Variants in FBRSL1 observed in about 807,000 individuals in gnomAD.
The protein encoded by FBRSL1 is fibrosin like 1.
FBRSL1 carries 51 observed loss-of-function variants against 89.6 expected under a neutral mutation model. That is an observed-to-expected ratio of 0.57 (90% confidence interval 0.45 to 0.72). The LOEUF (loss-of-function observed/expected upper bound fraction) is 0.72. Among genes scored for constraint, FBRSL1 ranks in the 30% least tolerant of loss-of-function variants. FBRSL1 has a pLI of 0.00. For missense variants in FBRSL1, 1,618 were observed against 1,451.8 expected (o/e 1.11, Z -1.86); for synonymous variants, 779 against 681.1 (o/e 1.14, Z -2.24).
chr12:132,532,852 G>A (rs912316953), intron 4 of FBRSL1, among the ~76,000 whole-genome samples: 4 of 152,208 alleles, frequency 2.6e-5, no homozygotes, highest in Non-Finnish European at 4.4e-5. Flanking sequence ...AGGGAGGCTG[G>A]AGGTGGGTGG....
At chr12:132,530,293 T>C (rs922002527) in intron 4 of FBRSL1, among the ~76,000 whole-genome samples, 1 of 152,218 alleles carries the variant, frequency 6.6e-6, no homozygotes, top group African/African-American at 2.4e-5. Flanking sequence ...GGGAGGCACC[T>C]GGGTCAAGTG....
At chr12:132,513,754 GA>G (rs2034579898) in intron 2 of FBRSL1, among the ~76,000 whole-genome samples, 1 of 152,184 alleles carries the variant, frequency 6.6e-6, no homozygotes, top group Non-Finnish European at 1.5e-5. Flanking sequence ...ATTCCTGGAA[GA>G]TGGGTGACAC....
At position 132,535,581 on chromosome 12, in the gene FBRSL1, G is replaced by A. The variant is rs186406726; in HGVS notation, c.615+7593G>A. ...TCTCCCAGAGAGATGAGGAACAGGA[G>A]CAGATGCAGCCAGTATCAGAGAGCA... is the stretch of plus-strand genomic sequence containing the variant. On this transcript the variant is annotated intron_variant, in intron 4 of 18. Coordinates refer to ENST00000680143, the MANE Select transcript of FBRSL1 (RefSeq NM_001367871.1). Among the ~76,000 whole-genome samples the A allele has an allele frequency of 7.9e-5, 12 of 152,380 alleles. No homozygotes were observed. The East Asian group carries it at 2.1e-3, about 27-fold the overall frequency.
chr12:132,584,156 A>T lies in FBRSL1; in HGVS notation c.*378A>T, dbSNP rs1312177556. The T allele has an allele frequency of 6.6e-6, 1 of 152,564 alleles. No individual in the cohort carries two copies. Among genetic ancestry groups the T allele is most frequent in the Non-Finnish European group, 1.5e-5 (1 of 68,264 alleles). 9.5% of individuals were successfully genotyped at this position (152,564 alleles called of 1,614,324 possible). ...GCCTCAGATCCTTCTCCAGATCCCC[A>T]GGGTTTCTTTGTCTTATTTATGGAG... On this transcript the variant is annotated 3_prime_UTR_variant, in exon 19 of 19. Transcript: ENST00000680143.
At chr12:132,507,055 G>C in intron 1 of FBRSL1, 2 of 320,188 alleles carry the variant, frequency 6.2e-6, no homozygotes, top group Non-Finnish European at 9.0e-6. Context: ...TCTTGTCTCT[G>C]TCGTCTGCCC....
At chr12:132,533,423 T>C (rs1274421784) in intron 4 of FBRSL1, among the ~76,000 whole-genome samples, 1 of 130,176 alleles carries the variant, frequency 7.7e-6, no homozygotes, top group Non-Finnish European at 1.6e-5. Flanking sequence ...CGACCCAGCC[T>C]CTCCCTGTAG....
At chr12:132,525,351 G>T (rs564271970) in intron 2 of FBRSL1, among the ~76,000 whole-genome samples, 1 of 152,286 alleles carries the variant, frequency 6.6e-6, no homozygotes, top group East Asian at 1.9e-4. Flanking sequence ...CCTGCCTGTG[G>T]TCCCTAGCAC....
chr12:132,583,948 T>A lies in FBRSL1; in HGVS notation c.*170T>A. 1 of 302,052 alleles carries A rather than the reference T, an allele frequency of 3.3e-6. No individual in the cohort carries two copies. The highest frequency in any genetic ancestry group is 6.0e-6 in the Non-Finnish European group (1 of 167,130). 18.7% of individuals were successfully genotyped at this position (302,052 alleles called of 1,614,324 possible). A position where few individuals can be genotyped will look rare whatever the true frequency, so the allele number is the denominator to read the frequency against. On this transcript the variant is annotated 3_prime_UTR_variant, in exon 19 of 19. Transcript: ENST00000680143. ...CGGCTTTTCTGAGGGTGATCTTTTG[T>A]TTTCCGAGTTTGGGATTCGGCTGTT... is the stretch of plus-strand genomic sequence containing the variant.
At chr12:132,545,260 G>A (rs762731130) in intron 4 of FBRSL1, among the ~76,000 whole-genome samples, 1 of 152,218 alleles carries the variant, frequency 6.6e-6, no homozygotes, top group South Asian at 2.1e-4. Flanking sequence ...CGTTCCCTGA[G>A]CCCCCGAGCC....
At chr12:132,571,597 C>T in intron 9 of FBRSL1, 1 of 1,018,832 alleles carries the variant, frequency 9.8e-7, no homozygotes, top group Non-Finnish European at 1.3e-6. Context: ...CACACACAGA[C>T]ACACGCTCGC....
Position 132,524,990 on chromosome 12 carries a change from T to C in FBRSL1, c.490-744T>C, listed in dbSNP as rs373077758. On this transcript the variant is annotated intron_variant, in intron 2 of 18. Coordinates refer to ENST00000680143, the MANE Select transcript of FBRSL1 (RefSeq NM_001367871.1). ...CCGTGTGAGCAAATGTGTGAGTGTG[T>C]GCAAAGCGCCCGGGCCAGGCCCTGG... Among the ~76,000 whole-genome samples, 4 of 151,172 alleles carry C rather than the reference T, an allele frequency of 2.6e-5. No homozygotes were observed. The East Asian group carries it at 7.8e-4, about 30-fold the overall frequency.
chr12:132,519,317 T>C (rs540743442), intron 2 of FBRSL1, among the ~76,000 whole-genome samples: 3 of 152,270 alleles, frequency 2.0e-5, no homozygotes, highest in Admixed American at 1.3e-4. Context: ...GGTTGGCATG[T>C]GGAGTGAATG....
At chr12:132,506,247 G>A (rs1163334663) in intron 1 of FBRSL1, among the ~76,000 whole-genome samples, 2 of 152,320 alleles carry the variant, frequency 1.3e-5, no homozygotes, top group African/African-American at 2.4e-5. Flanking sequence ...GGAGGGGCCG[G>A]CAGAAATCTT....
In FBRSL1 at chr12:132,527,227, G is replaced by C. The variant is rs188315180; in HGVS notation, c.580-726G>C. Among the ~76,000 whole-genome samples, 127 of 152,326 alleles carry C rather than the reference G, an allele frequency of 8.3e-4. 2 individuals carry two copies. In the East Asian group the frequency reaches 0.019, roughly 22 times the overall value. On this transcript the variant is annotated intron_variant, in intron 3 of 18. Transcript: ENST00000680143. Reference sequence around the variant, plus strand: ...AAGTCCTGCAACCATGGACCCCTCTGGCGGGTGGGCACGGAGGGAGGTCAG... The same window carrying C: ...AAGTCCTGCAACCATGGACCCCTCTCGCGGGTGGGCACGGAGGGAGGTCAG...
Position 132,572,535 on chromosome 12 carries a change from G to A in FBRSL1, c.1443G>A (p.Pro481=), listed in dbSNP as rs1373697797. 6 of 1,550,890 alleles carry A rather than the reference G, an allele frequency of 3.9e-6. No individual in the cohort carries two copies. Among genetic ancestry groups the A allele is most frequent in the Non-Finnish European group, 1.7e-6 (2 of 1,146,556 alleles). Residue 481 remains proline (P), a synonymous_variant, in exon 11 of 19, where the codon CCG becomes CCA. Transcript: ENST00000680143. ...CTCTCCTTCTCTTACAGTTCTTCCC[G>A]TCCTTCCCTCCTGCCATCCCGGGAC... ...YFRHSSVSFF[P]SFPPAIPGLP...
chr12:132,550,358 C>T (rs2137376953), intron 5 of FBRSL1, among the ~76,000 whole-genome samples: 1 of 152,238 alleles, frequency 6.6e-6, no homozygotes, highest in Non-Finnish European at 1.5e-5. Flanking sequence ...CACTGAGTCC[C>T]CGTGATGGTG....
At chr12:132,526,725 C>T (rs1021970999) in intron 3 of FBRSL1, among the ~76,000 whole-genome samples, 2 of 152,176 alleles carry the variant, frequency 1.3e-5, no homozygotes, top group Admixed American at 6.5e-5. Context: ...TCTGCCTTGC[C>T]CCTCAGAGGG....
intron 16 of FBRSL1, 102 bp downstream of exon 16, chr12:132,581,618 G>A: frequency 6.7e-7 from 1 of 1,485,684 alleles, no homozygotes; most frequent in Non-Finnish European, 9.2e-7. Flanking sequence ...GCCCCAGGGA[G>A]CCCCTTGGGT....
intron 5 of FBRSL1, among the ~76,000 whole-genome samples, chr12:132,549,242 C>G (rs2037948390): frequency 6.6e-6 from 1 of 152,204 alleles, no homozygotes; most frequent in Non-Finnish European, 1.5e-5. Flanking sequence ...CTCCAGCATC[C>G]TGGGCTGCTT....
Sources: gnomAD v4.1 joint callset for allele counts (sites outside exome capture counted in the v4.1 genomes callset) on GRCh38, gnomAD v4.1.1 for gene constraint, MANE v1.5 for transcripts, NCBI Gene and HGNC (gene_info 2026-07-23, HGNC 2026-07-21) for gene names.